The following KIF13A variants were observed in gnomAD, a reference collection of about 807,000 sequenced individuals.
KIF13A encodes the protein kinesin family member 13A, also known as kinesin-like protein KIF13A.
KIF13A carries 79 observed loss-of-function variants against 212.2 expected under a neutral mutation model. The observed-to-expected ratio is 0.37, with a 90% confidence interval of 0.31 to 0.45. The LOEUF (loss-of-function observed/expected upper bound fraction) is 0.45, where lower values mean the gene tolerates loss of function less well. Among genes scored for constraint, KIF13A ranks in the 20% least tolerant of loss-of-function variants. The pLI is 1.00. For synonymous variants in KIF13A, 789 were observed against 808.6 expected (o/e 0.98, Z 0.41); for missense variants, 1,901 against 2,209.0 (o/e 0.86, Z 2.79).
rs1393163640 is a variant in KIF13A at position 17,855,998 on chromosome 6, C to T, written c.313+32G>A. 2 of 1,434,748 alleles carry T rather than the reference C, an allele frequency of 1.4e-6. No individual in the cohort carries two copies. Among genetic ancestry groups the T allele is most frequent in the African/African-American group, 1.4e-5 (1 of 71,316 alleles). 88.9% of individuals were successfully genotyped at this position (1,434,748 alleles called of 1,614,324 possible). The stretch of plus-strand genomic sequence containing the variant: ...AGTCCTGGGATTATAGGCATGATCC[C>T]CCACATCTGGTCTATAAAAGCAACT... On this transcript the variant is annotated intron_variant, in intron 5 of 38. Transcript: ENST00000259711. The surrounding 1 kb of genome is among the most constrained non-coding windows in gnomAD (Gnocchi z 4.1).
chr6:17,931,069 CTTTG>C (rs1775943675), intron 2 of KIF13A, among the ~76,000 whole-genome samples: 1 of 152,140 alleles, frequency 6.6e-6, no homozygotes, highest in Non-Finnish European at 1.5e-5. Context: ...ATTCTTAAGG[CTTTG>C]TTTTTTATGT....
At chr6:17,835,849 A>C (rs1352661677) in intron 11 of KIF13A, among the ~76,000 whole-genome samples, 2 of 152,200 alleles carry the variant, frequency 1.3e-5, no homozygotes, top group East Asian at 1.9e-4. Context: ...ATGCTCCATA[A>C]ATAATGGCCA....
Position 17,826,546 on chromosome 6 carries a change from A to G in KIF13A, c.1533-422T>C, listed in dbSNP as rs374472981. 1.6e-4 allele frequency among the ~76,000 whole-genome samples: 24 copies of G among 152,298 alleles called. No individual in the cohort carries two copies. In the East Asian group the frequency reaches 4.1e-3, roughly 26 times the overall value. ...GGATCAACAATGAGGTGACTTCAAC[A>G]AATAAAATGCAAGGAAGAAGAGAGA... On this transcript the variant is annotated intron_variant, in intron 14 of 38. Coordinates refer to ENST00000259711, the MANE Select transcript of KIF13A (RefSeq NM_022113.6). The surrounding 1 kb of genome is among the most constrained non-coding windows in gnomAD (Gnocchi z 4.7).
chr6:17,760,538 CTG>C (rs1758540163), downstream of KIF13A: 10 of 384,082 alleles, frequency 2.6e-5, no homozygotes, highest in East Asian at 4.4e-4. Flanking sequence ...CTGTTGGAAT[CTG>C]TAGAGGTTTC....
intron 16 of KIF13A, among the ~76,000 whole-genome samples, chr6:17,819,217 T>G (rs1444233340): frequency 6.6e-6 from 1 of 151,998 alleles, no homozygotes. Flanking sequence ...GCCAGGATGG[T>G]CTCGATCTCC....
At chr6:17,851,841 G>C (rs560784775) in intron 7 of KIF13A, 114 bp downstream of exon 7, 1 of 467,866 alleles carries the variant, frequency 2.1e-6, no homozygotes, top group South Asian at 6.7e-5. Flanking sequence ...GGGTTTCTGA[G>C]GCCCTGAGTA....
chr6:17,923,257 G>A (rs906465490), intron 2 of KIF13A, among the ~76,000 whole-genome samples: 1 of 148,786 alleles, frequency 6.7e-6, no homozygotes, highest in Admixed American at 6.8e-5. Flanking sequence ...CTAGGCGATG[G>A]GATTGAAACA....
intron 2 of KIF13A, among the ~76,000 whole-genome samples, chr6:17,956,905 G>A (rs958616952): frequency 2.6e-5 from 4 of 151,642 alleles, no homozygotes; most frequent in African/African-American, 4.8e-5. Flanking sequence ...TTTTTTAGAC[G>A]GAGTCTCACT....
In KIF13A at chr6:17,803,434, C is replaced by T. The variant is rs77610510; in HGVS notation, c.2454+927G>A. ...CACTTACACCCCACAACTGGGAACC[C>T]GGGTCTATATCGCAGCTTCACTTTG... is the stretch of plus-strand genomic sequence containing the variant. On this transcript the variant is annotated intron_variant, in intron 20 of 38. Transcript: ENST00000259711. Among the ~76,000 whole-genome samples the T allele has an allele frequency of 6.2e-3, 944 of 152,064 alleles. 14 individuals are homozygous for T. Among genetic ancestry groups the T allele is most frequent in the African/African-American group, 0.021 (866 of 41,470 alleles).
In KIF13A at chr6:17,781,182, C is replaced by G; in HGVS notation, c.3664G>C (p.Asp1222His). 1 of 1,613,954 alleles carries G rather than the reference C, an allele frequency of 6.2e-7. No homozygotes were observed. The highest frequency in any genetic ancestry group is 8.5e-7 in the Non-Finnish European group (1 of 1,179,884). Residue 1222 changes from aspartate to histidine, a missense_variant, in exon 30 of 39, where the codon GAT becomes CAT. Physicochemically the swap from Asp to His is moderately conservative, Grantham distance 81 (BLOSUM62 -1). Coordinates refer to ENST00000259711, the MANE Select transcript of KIF13A (RefSeq NM_022113.6). ...FYLPIIKHSD[D>H]EVSATASWDS... ...GAAACTTGGGGGTTAATTACCTCATCATCACTGTGCTTTATGATGGGCAGG... is the reference window on the plus strand; with the variant it reads ...GAAACTTGGGGGTTAATTACCTCATGATCACTGTGCTTTATGATGGGCAGG...
At position 17,827,748 on chromosome 6, in the gene KIF13A, C is replaced by T. The variant is rs1765097858; in HGVS notation, c.1532+492G>A. 2.6e-5 allele frequency among the ~76,000 whole-genome samples: 4 copies of T among 151,890 alleles called. No individual in the cohort carries two copies. In the South Asian group the frequency reaches 8.3e-4, roughly 32 times the overall value. On this transcript the variant is annotated intron_variant, in intron 14 of 38. Coordinates refer to ENST00000259711, the MANE Select transcript of KIF13A (RefSeq NM_022113.6). Reference sequence around the variant, plus strand: ...TACTGCCCAGGTTAGTCTTGAACTCCTGGGCTCAAGCAATACTCCTGCCTC... The same window carrying T: ...TACTGCCCAGGTTAGTCTTGAACTCTTGGGCTCAAGCAATACTCCTGCCTC...
rs1760750631 is a variant in KIF13A at position 17,783,105 on chromosome 6, C to A, written c.3544+541G>T. 6.6e-6 allele frequency among the ~76,000 whole-genome samples: 1 copy of A among 152,214 alleles called. No individual in the cohort carries two copies. Among genetic ancestry groups the A allele is most frequent in the Non-Finnish European group, 1.5e-5 (1 of 68,040 alleles). On this transcript the variant is annotated intron_variant, in intron 29 of 38. Transcript: ENST00000259711. This position sits in a 1 kb window ranked among gnomAD's most constrained non-coding sequence, Gnocchi z 4.3. Reference sequence around the variant, plus strand: ...AAAGGATCTACCAGGATCCTGCCCACTGCAAACTCAGCAACTCTGCCGTTG... The same window carrying A: ...AAAGGATCTACCAGGATCCTGCCCAATGCAAACTCAGCAACTCTGCCGTTG...
In KIF13A at chr6:17,781,296, C is replaced by T; in HGVS notation, c.3550G>A (p.Asp1184Asn). 1 of 1,604,176 alleles carries T rather than the reference C, an allele frequency of 6.2e-7. No homozygotes were observed. ...ACAAGCTGCTCATTGGCACTGAGGT[C>T]ATCCGCTAACCACATCAGGAGCACA... is the stretch of plus-strand genomic sequence containing the variant. ...PVLFLDLNAD[D>N]LSANEQLVGP... Residue 1184 changes from aspartate (D) to asparagine (N), a missense_variant, in exon 30 of 39, where the codon GAC becomes AAC. This residue lies in a region of KIF13A where 687 missense variants were observed against 759.1 expected (regional missense o/e 0.90). Coordinates refer to ENST00000259711, the MANE Select transcript of KIF13A (RefSeq NM_022113.6).
At chr6:17,985,531 C>T (rs2150653042) in intron 2 of KIF13A, among the ~76,000 whole-genome samples, 1 of 150,768 alleles carries the variant, frequency 6.6e-6, no homozygotes, top group East Asian at 2.0e-4. Context: ...AAACAAGTAA[C>T]GGCTACACAA....
Position 17,779,408 on chromosome 6 carries a change from G to T in KIF13A, c.3939+184C>A, listed in dbSNP as rs1254488147. ...TGCCTCAGCCTTCCTGAGTAGCTGGGATTACAGGCATGCGCCACCATGCCC... is the reference window on the plus strand; with the variant it reads ...TGCCTCAGCCTTCCTGAGTAGCTGGTATTACAGGCATGCGCCACCATGCCC... On this transcript the variant is annotated intron_variant, in intron 32 of 38. Coordinates refer to ENST00000259711, the MANE Select transcript of KIF13A (RefSeq NM_022113.6). 2.1e-5 allele frequency among the ~76,000 whole-genome samples: 3 copies of T among 145,690 alleles called. No individual in the cohort carries two copies. The Admixed American group carries it at 2.1e-4, about 10-fold the overall frequency.
In KIF13A at chr6:17,829,682, A is replaced by C. The variant is rs1359937208; in HGVS notation, c.1402-1312T>G. Among the ~76,000 whole-genome samples the C allele has an allele frequency of 6.6e-6, 1 of 152,166 alleles. No homozygotes were observed. Among genetic ancestry groups the C allele is most frequent in the East Asian group, 1.9e-4 (1 of 5,188 alleles). ...CTCCCTATTTGACAGAGAAAGTATA[A>C]GGATTGGTCTTTCAAAATCAGGATT... is the stretch of plus-strand genomic sequence containing the variant. On this transcript the variant is annotated intron_variant, in intron 13 of 38. Transcript: ENST00000259711. This position sits in a 1 kb window ranked among gnomAD's most constrained non-coding sequence, Gnocchi z 5.4.
chr6:17,866,716 T>C (rs1300184233), intron 4 of KIF13A, among the ~76,000 whole-genome samples: 1 of 151,214 alleles, frequency 6.6e-6, no homozygotes, highest in Non-Finnish European at 1.5e-5. Context: ...TGTTTCTGGG[T>C]CCAACAAACA....
chr6:17,780,326 G>T (rs1760447770), intron 31 of KIF13A, among the ~76,000 whole-genome samples: 2 of 152,206 alleles, frequency 1.3e-5, no homozygotes, highest in Non-Finnish European at 2.9e-5. Context: ...GAGAGGATCA[G>T]TTTCACTGAC....
Position 17,800,085 on chromosome 6 carries a change from A to G in KIF13A, c.2483T>C (p.Met828Thr), listed in dbSNP as rs1762356226. 1 of 1,613,780 alleles carries G rather than the reference A, an allele frequency of 6.2e-7. No homozygotes were observed. Among genetic ancestry groups the G allele is most frequent in the Non-Finnish European group, 8.5e-7 (1 of 1,179,862 alleles). The change falls in exon 21 of 39, where the codon ATG becomes ACG. Residue 828 changes from methionine to threonine, a missense_variant. By Grantham distance (81) the Met-to-Thr change is moderately conservative. This residue lies in a region of KIF13A where 534 missense variants were observed against 536.9 expected (regional missense o/e 0.99). Coordinates refer to ENST00000259711, the MANE Select transcript of KIF13A (RefSeq NM_022113.6). ...CTCTGGAACAGCTCCTGTAACACGC[A>G]TCACTTCCACGTGGAGACGCCCTGC... ...EVAGRLHVEV[M>T]RVTGAVPERV...
Sources: allele counts gnomAD v4.1 joint callset (sites outside exome capture counted in the v4.1 genomes callset), GRCh38; gene constraint gnomAD v4.1.1; regional missense constraint gnomAD v4.1.1; non-coding constraint Gnocchi (gnomAD v3.1); transcripts MANE v1.5; gene names NCBI Gene and HGNC (gene_info 2026-07-23, HGNC 2026-07-21).